Variants in FRMD4A observed in about 807,000 individuals in gnomAD.
FRMD4A encodes the protein FERM domain-containing protein 4A.
A neutral mutation model predicts 129.1 loss-of-function variants in FRMD4A; 29 were observed. The ratio of observed to expected loss-of-function variants is 0.22; its 90% CI spans 0.17 to 0.31. The LOEUF is 0.31. Ranked by LOEUF, FRMD4A falls within the 10% of genes least tolerant of loss-of-function variation. FRMD4A has a pLI of 1.00. For missense variants in FRMD4A, 1,272 were observed against 1,375.8 expected (o/e 0.92, Z 1.19); for synonymous variants, 634 against 571.6 (o/e 1.11, Z -1.56).
intron 2 of FRMD4A, among the ~76,000 whole-genome samples, chr10:14,032,010 G>T (rs930415506): frequency 2.6e-5 from 4 of 151,854 alleles, no homozygotes. Context: ...GTCTTTCTAT[G>T]TTGCCCAGGC....
At chr10:14,034,105 T>C (rs1192754300) in intron 2 of FRMD4A, among the ~76,000 whole-genome samples, 1 of 152,226 alleles carries the variant, frequency 6.6e-6, no homozygotes. Flanking sequence ...CTATCTGTTA[T>C]AACTTGGACA....
chr10:14,165,246 A>G (rs1193304700), intron 2 of FRMD4A, among the ~76,000 whole-genome samples: 1 of 152,216 alleles, frequency 6.6e-6, no homozygotes, highest in Non-Finnish European at 1.5e-5. Flanking sequence ...AAAGCCACCA[A>G]CAAGCATATG....
chr10:13,913,073 A>C (rs973479910), intron 2 of FRMD4A, among the ~76,000 whole-genome samples: 13 of 97,148 alleles, frequency 1.3e-4, no homozygotes, highest in African/African-American at 4.6e-4. Context: ...AACTCCATTT[A>C]AAAAAAAAAA....
chr10:13,650,515 T>G (rs1348570040), intron 24 of FRMD4A, among the ~76,000 whole-genome samples: 4 of 152,224 alleles, frequency 2.6e-5, no homozygotes, highest in African/African-American at 9.7e-5. Flanking sequence ...CTTCTGGCTG[T>G]CAGCCCTATC....
intron 2 of FRMD4A, among the ~76,000 whole-genome samples, chr10:13,957,404 C>T (rs536313618): frequency 1.7e-4 from 26 of 152,150 alleles, no homozygotes; most frequent in Non-Finnish European, 3.2e-4. Flanking sequence ...CAGGCATGCA[C>T]CACCATGCCC....
chr10:13,732,074 A>G (rs568397823), intron 12 of FRMD4A, among the ~76,000 whole-genome samples: 1 of 152,204 alleles, frequency 6.6e-6, no homozygotes, highest in East Asian at 1.9e-4. Context: ...GTCTCTTTAG[A>G]AGGTCCAGGT....
At chr10:13,828,829 G>A (rs931357510) in intron 3 of FRMD4A, among the ~76,000 whole-genome samples, 2 of 152,128 alleles carry the variant, frequency 1.3e-5, no homozygotes, top group African/African-American at 4.8e-5. Flanking sequence ...ACTGCACCAG[G>A]CCACCACGTT....
intron 3 of FRMD4A, among the ~76,000 whole-genome samples, chr10:13,824,002 G>T (rs1210979044): frequency 6.6e-6 from 1 of 152,178 alleles, no homozygotes; most frequent in Non-Finnish European, 1.5e-5. Context: ...CATCAGACTG[G>T]AAAGGGAAAG....
At chr10:13,881,108 G>A (rs2131122027) in intron 2 of FRMD4A, among the ~76,000 whole-genome samples, 1 of 152,168 alleles carries the variant, frequency 6.6e-6, no homozygotes, top group South Asian at 2.1e-4. Flanking sequence ...GTTTGCCAGG[G>A]TAGCATTTTT....
intron 2 of FRMD4A, among the ~76,000 whole-genome samples, chr10:14,041,465 G>A (rs1164267299): frequency 2.0e-5 from 3 of 152,122 alleles, no homozygotes; most frequent in Admixed American, 2.0e-4. Flanking sequence ...CACCAAAAGG[G>A]AAACATACTG....
At chr10:13,648,198 G>C (rs2081270539) in intron 24 of FRMD4A, 1 of 152,174 alleles carries the variant, frequency 6.6e-6, no homozygotes, top group African/African-American at 2.4e-5. Flanking sequence ...CCTGTGTTTG[G>C]AGCACCAGAA....
chr10:13,692,140 CTTTT>C (rs747299123), intron 15 of FRMD4A: 1,189 of 100,438 alleles, frequency 0.012, 219 homozygotes, highest in African/African-American at 0.04. Context: ...ATTTTAGCAG[CTTTT>C]TTTTTTTTTT....
chr10:13,738,915 C>G (rs890580226), intron 11 of FRMD4A, among the ~76,000 whole-genome samples: 8 of 152,232 alleles, frequency 5.3e-5, no homozygotes, highest in Non-Finnish European at 8.8e-5. Context: ...GCCACTGCGC[C>G]TGCCCCCACT....
chr10:13,770,177 C>T lies in FRMD4A; in HGVS notation c.385-7497G>A, dbSNP rs556352237. ...CTCATCATAATTACGCAAATTTGCC[C>T]CCGGGGCAAACAGGGGCTGTGGTGC... is the stretch of plus-strand genomic sequence containing the variant. On this transcript the variant is annotated intron_variant, in intron 6 of 24. Transcript: ENST00000357447. Among the ~76,000 whole-genome samples, 11 of 152,160 alleles carry T rather than the reference C, an allele frequency of 7.2e-5. No homozygotes were observed. In the South Asian group the frequency reaches 2.3e-3, roughly 32 times the overall value.
At chr10:13,660,242 A>T (rs2082532598) in intron 20 of FRMD4A, 74 bp downstream of exon 20, 15 of 948,306 alleles carry the variant, frequency 1.6e-5, no homozygotes, top group South Asian at 5.7e-5. Flanking sequence ...CGTGGATGCT[A>T]CTTGGGACGG....
At chr10:14,298,595 A>G (rs983254804) in intron 2 of FRMD4A, among the ~76,000 whole-genome samples, 2 of 152,160 alleles carry the variant, frequency 1.3e-5, no homozygotes, top group Non-Finnish European at 2.9e-5. Context: ...CACTTAAAAA[A>G]AATTAATTTT....
At chr10:13,698,607 G>C (rs1389208338) in intron 14 of FRMD4A, among the ~76,000 whole-genome samples, 1 of 152,200 alleles carries the variant, frequency 6.6e-6, no homozygotes, top group Admixed American at 6.5e-5. Context: ...TAGTATGCTA[G>C]ATTAACTATG....
chr10:13,654,244 A>G (rs1408249384), intron 23 of FRMD4A, 172 bp downstream of exon 23: 21 of 625,608 alleles, frequency 3.4e-5, no homozygotes, highest in Middle Eastern at 2.7e-4. Context: ...CAGCCAGGAA[A>G]AGGAGTAGGC....
Position 14,077,446 on chromosome 10 carries a change from C to A in FRMD4A, c.46-218534G>T, listed in dbSNP as rs532333451. Among the ~76,000 whole-genome samples the A allele has an allele frequency of 1.7e-3, 262 of 152,278 alleles. 2 individuals carry two copies. Among genetic ancestry groups the A allele is most frequent in the African/African-American group, 6.1e-3 (253 of 41,542 alleles). ...ATAATCATAACAATAATGCCTACCTCACTGATCTCTTAGGGTTGTTATGAG... is the reference window on the plus strand; with the variant it reads ...ATAATCATAACAATAATGCCTACCTAACTGATCTCTTAGGGTTGTTATGAG... On this transcript the variant is annotated intron_variant, in intron 2 of 24. Transcript: ENST00000357447.
Sources: gnomAD v4.1 joint callset for allele counts (sites outside exome capture counted in the v4.1 genomes callset) on GRCh38, gnomAD v4.1.1 for gene constraint, MANE v1.5 for transcripts, NCBI Gene and HGNC (gene_info 2026-07-23, HGNC 2026-07-21) for gene names.